NARS2: variants seen among roughly 807,000 people sequenced by gnomAD.
NARS2 encodes the protein asparaginyl-tRNA synthetase 2, mitochondrial.
A neutral mutation model predicts 62.9 loss-of-function variants in NARS2; 60 were observed. The ratio of observed to expected loss-of-function variants is 0.95; its 90% CI spans 0.77 to 1.18. The LOEUF (loss-of-function observed/expected upper bound fraction) is 1.18. Among genes scored for constraint, NARS2 ranks in the 50% most tolerant of loss-of-function variants. NARS2 has a pLI of 0.00. For missense variants in NARS2, 619 were observed against 576.4 expected (o/e 1.07, Z -0.76); for synonymous variants, 196 against 200.0 (o/e 0.98, Z 0.17).
intron 5 of NARS2, among the ~76,000 whole-genome samples, chr11:78,530,903 G>A (rs1193561301): frequency 2.0e-5 from 3 of 152,148 alleles, no homozygotes; most frequent in East Asian, 1.9e-4. Flanking sequence ...TAGCGTTTAC[G>A]TAACAAACTG....
intron 1 of NARS2, chr11:78,573,659 T>C (rs1368572798): frequency 2.0e-5 from 3 of 152,292 alleles, no homozygotes; most frequent in Non-Finnish European, 2.9e-5. Context: ...AGAGAAACAA[T>C]AGCAGCTAAC....
chr11:78,497,433 G>A (rs539850195), intron 6 of NARS2, among the ~76,000 whole-genome samples: 7 of 152,022 alleles, frequency 4.6e-5, no homozygotes, highest in Non-Finnish European at 1.0e-4. Flanking sequence ...CTATTCTTTA[G>A]TTTGGGAAGA....
chr11:78,482,337 C>T (rs1859391322), intron 7 of NARS2, among the ~76,000 whole-genome samples: 1 of 151,886 alleles, frequency 6.6e-6, no homozygotes, highest in Admixed American at 6.6e-5. Flanking sequence ...ATTAAAAGAA[C>T]TAGAGAAGCA....
chr11:78,453,687 A>G (rs1325875431), intron 11 of NARS2, among the ~76,000 whole-genome samples: 1 of 152,230 alleles, frequency 6.6e-6, no homozygotes, highest in South Asian at 2.1e-4. Flanking sequence ...CAGAAGAAAA[A>G]GAATGTTCCA....
At chr11:78,451,781 C>G (rs966334467) in intron 11 of NARS2, among the ~76,000 whole-genome samples, 3 of 152,198 alleles carry the variant, frequency 2.0e-5, no homozygotes, top group African/African-American at 7.2e-5. Context: ...AGACCATGGT[C>G]ACTATCAAAA....
At chr11:78,512,207 G>A (rs532323687) in intron 6 of NARS2, among the ~76,000 whole-genome samples, 1 of 152,146 alleles carries the variant, frequency 6.6e-6, no homozygotes, top group African/African-American at 2.4e-5. Flanking sequence ...CTCCATTCCA[G>A]GTGCTGATTT....
At chr11:78,535,532 T>C (rs1470301550) in intron 5 of NARS2, among the ~76,000 whole-genome samples, 2 of 152,332 alleles carry the variant, frequency 1.3e-5, no homozygotes, top group Non-Finnish European at 2.9e-5. Flanking sequence ...TTATTGTGTT[T>C]TGATATTGCA....
At chr11:78,561,453 G>A (rs974292485) in intron 4 of NARS2, among the ~76,000 whole-genome samples, 3 of 152,058 alleles carry the variant, frequency 2.0e-5, no homozygotes, top group African/African-American at 7.2e-5. Flanking sequence ...CCAGAAAAGA[G>A]GCCAAAAATA....
chr11:78,496,800 C>T (rs1860075924), intron 6 of NARS2, among the ~76,000 whole-genome samples: 1 of 152,014 alleles, frequency 6.6e-6, no homozygotes, highest in African/African-American at 2.4e-5. Context: ...TCTTCAAATC[C>T]TTATAGGAGT....
intron 6 of NARS2, among the ~76,000 whole-genome samples, chr11:78,512,668 C>G (rs1030354060): frequency 3.3e-5 from 5 of 152,208 alleles, no homozygotes; most frequent in African/African-American, 1.2e-4. Context: ...TGAACAAGAT[C>G]AGTACTTTTT....
chr11:78,471,522 T>G (rs1858872186), intron 9 of NARS2, among the ~76,000 whole-genome samples: 1 of 151,918 alleles, frequency 6.6e-6, no homozygotes, highest in African/African-American at 2.4e-5. Flanking sequence ...TGAACTATCT[T>G]TTTTTTTCTT....
intron 12 of NARS2, among the ~76,000 whole-genome samples, chr11:78,441,702 C>T (rs1857581129): frequency 6.7e-6 from 1 of 148,890 alleles, no homozygotes; most frequent in African/African-American, 2.5e-5. Context: ...CAGAGTGAGA[C>T]TCCATCTCAA....
At chr11:78,481,970 G>A (rs1859373987) in intron 7 of NARS2, among the ~76,000 whole-genome samples, 1 of 152,026 alleles carries the variant, frequency 6.6e-6, no homozygotes, top group Admixed American at 6.6e-5. Context: ...AATAAGAACT[G>A]GAGTAGCAAA....
chr11:78,446,392 C>A (rs1857761679), intron 11 of NARS2, among the ~76,000 whole-genome samples: 1 of 152,182 alleles, frequency 6.6e-6, no homozygotes, highest in Non-Finnish European at 1.5e-5. Flanking sequence ...GGGCTCTAAT[C>A]AGGACCCTGC....
chr11:78,492,393 T>C (rs1194929670), intron 7 of NARS2, among the ~76,000 whole-genome samples: 4 of 152,210 alleles, frequency 2.6e-5, no homozygotes, highest in Non-Finnish European at 1.5e-5. Context: ...ATTGTTCATA[T>C]TGCTGCTAAA....
At chr11:78,473,697 C>CT (rs1411217016) in intron 9 of NARS2, among the ~76,000 whole-genome samples, 1 of 152,220 alleles carries the variant, frequency 6.6e-6, no homozygotes, top group Non-Finnish European at 1.5e-5. Context: ...TGTTTTGTCT[C>CT]TATCCTTAAG....
chr11:78,552,737 T>G (rs181253771), intron 5 of NARS2, among the ~76,000 whole-genome samples: 2 of 151,616 alleles, frequency 1.3e-5, no homozygotes, highest in Admixed American at 1.3e-4. Flanking sequence ...CGAACCAATG[T>G]TCATCTTACG....
At chr11:78,454,941 A>G (rs1290260368) in intron 11 of NARS2, among the ~76,000 whole-genome samples, 2 of 152,314 alleles carry the variant, frequency 1.3e-5, no homozygotes, top group African/African-American at 4.8e-5. Flanking sequence ...TTTTATAGCA[A>G]CTTAGAGCAA....
intron 6 of NARS2, among the ~76,000 whole-genome samples, chr11:78,518,130 AAAAT>A (rs958349728): frequency 2.0e-5 from 3 of 152,230 alleles, no homozygotes; most frequent in Non-Finnish European, 4.4e-5. Flanking sequence ...GCAACAATAA[AAAAT>A]AATACAAATT....
Sources: gnomAD v4.1 joint callset for allele counts (sites outside exome capture counted in the v4.1 genomes callset) on GRCh38, gnomAD v4.1.1 for gene constraint, MANE v1.5 for transcripts, NCBI Gene and HGNC (gene_info 2026-07-23, HGNC 2026-07-21) for gene names.